Variants in NPAS3 observed in about 807,000 individuals in gnomAD.
NPAS3 encodes the protein neuronal PAS domain-containing protein 3.
NPAS3 carries 14 observed loss-of-function variants against 73.1 expected under a neutral mutation model. That is an observed-to-expected ratio of 0.19 (90% confidence interval 0.13 to 0.30). NPAS3 has a LOEUF of 0.30. NPAS3 is among the 10% of genes least tolerant of loss of function. The probability of loss-of-function intolerance (pLI) is 1.00; values close to 1 mark genes in which losing one functional copy is unlikely to be tolerated. For synonymous variants in NPAS3, 620 were observed against 541.5 expected (o/e 1.14, Z -2.01); for missense variants, 1,096 against 1,250.0 (o/e 0.88, Z 1.86).
chr14:33,281,675 C>T (rs998007863), intron 3 of NPAS3, among the ~76,000 whole-genome samples: 2 of 152,168 alleles, frequency 1.3e-5, no homozygotes, highest in African/African-American at 2.4e-5. Context: ...CAATTCTGTA[C>T]ATATCATTAA....
intron 4 of NPAS3, among the ~76,000 whole-genome samples, chr14:33,481,087 A>G (rs1163504629): frequency 6.6e-6 from 1 of 152,180 alleles, no homozygotes; most frequent in East Asian, 1.9e-4. Context: ...TCTAATAAGG[A>G]TAGATATAAT....
intron 1 of NPAS3, among the ~76,000 whole-genome samples, chr14:32,992,206 G>T (rs1409964803): frequency 2.0e-5 from 3 of 152,024 alleles, no homozygotes; most frequent in African/African-American, 7.2e-5. Flanking sequence ...GTAGGGAAGG[G>T]CACATCCCAC....
At chr14:33,768,763 A>G (rs2062546185) in intron 7 of NPAS3, among the ~76,000 whole-genome samples, 1 of 152,214 alleles carries the variant, frequency 6.6e-6, no homozygotes, top group African/African-American at 2.4e-5. Context: ...GTTTCCCAAT[A>G]CAATGTTATT....
chr14:32,992,774 C>A (rs557543423), intron 1 of NPAS3, among the ~76,000 whole-genome samples: 1 of 152,198 alleles, frequency 6.6e-6, no homozygotes, highest in Non-Finnish European at 1.5e-5. Context: ...TCAAAGATGA[C>A]TCCAAAGTTT....
rs5807738 is a variant in NPAS3 at position 33,670,615 on chromosome 14, A to ACC, written c.559-5590_559-5589dup. Among the ~76,000 whole-genome samples, 353 of 143,790 alleles carry ACC rather than the reference A, an allele frequency of 2.5e-3. 2 individuals are homozygous for ACC. The highest frequency in any genetic ancestry group is 0.02 in the East Asian group (98 of 4,876). The allele number at this position is 143,790 out of a possible 152,430, so 94.3% of individuals were successfully genotyped here. A position where few individuals can be genotyped will look rare whatever the true frequency, so the allele number is the denominator to read the frequency against. On this transcript the variant is annotated intron_variant, in intron 5 of 11. Coordinates refer to ENST00000356141, the Ensembl canonical transcript of NPAS3. ...ATTATCCTTCAATAATATAAATGTG[A>ACC]CCCCCCCTCAAAAAAAAAAAAAACT...
intron 6 of NPAS3, among the ~76,000 whole-genome samples, chr14:33,701,233 G>C (rs187923251): frequency 3.3e-5 from 5 of 152,212 alleles, no homozygotes; most frequent in Non-Finnish European, 7.3e-5. Flanking sequence ...AACCCTGTGA[G>C]GTTAGGACTG....
At chr14:33,118,386 T>G (rs1288195730) in intron 2 of NPAS3, among the ~76,000 whole-genome samples, 3 of 152,216 alleles carry the variant, frequency 2.0e-5, no homozygotes, top group African/African-American at 7.2e-5. Flanking sequence ...ATGTTTTATA[T>G]CCCTATTCTC....
chr14:33,439,941 C>A (rs981458239), intron 4 of NPAS3, among the ~76,000 whole-genome samples: 23 of 151,926 alleles, frequency 1.5e-4, no homozygotes, highest in African/African-American at 5.1e-4. Flanking sequence ...GGGTGAAACC[C>A]CGTCTCTACT....
chr14:33,555,869 T>C (rs976352888), intron 4 of NPAS3, among the ~76,000 whole-genome samples: 2 of 146,540 alleles, frequency 1.4e-5, no homozygotes, highest in African/African-American at 5.1e-5. Context: ...AAAAATATGG[T>C]AAATTAACCA....
chr14:33,559,972 T>C, intron 4 of NPAS3, 149 bp from the exon 5 acceptor site: 1 of 431,086 alleles, frequency 2.3e-6, no homozygotes. Context: ...ATTGTGCCAC[T>C]GCACTCTAGC....
At chr14:33,136,994 T>C (rs2043866035) in intron 2 of NPAS3, among the ~76,000 whole-genome samples, 1 of 152,198 alleles carries the variant, frequency 6.6e-6, no homozygotes, top group African/African-American at 2.4e-5. Context: ...TGAATGAATA[T>C]GCCAAAACTT....
At chr14:33,045,734 G>A (rs1406673922) in intron 1 of NPAS3, among the ~76,000 whole-genome samples, 4 of 152,132 alleles carry the variant, frequency 2.6e-5, no homozygotes, top group Admixed American at 1.3e-4. Context: ...AAATAGTATG[G>A]GGTAAAGGCT....
At chr14:33,779,556 G>A (rs1473376015) in intron 9 of NPAS3, among the ~76,000 whole-genome samples, 1 of 152,186 alleles carries the variant, frequency 6.6e-6, no homozygotes, top group Non-Finnish European at 1.5e-5. Context: ...TATGATGGTG[G>A]TCCCATGAGA....
chr14:33,581,569 A>G (rs1315950934), intron 5 of NPAS3, among the ~76,000 whole-genome samples: 1 of 152,062 alleles, frequency 6.6e-6, no homozygotes. Context: ...TTAAAATACT[A>G]TGGGCGTTTT....
intron 4 of NPAS3, among the ~76,000 whole-genome samples, chr14:33,499,190 C>G (rs2052391439): frequency 6.6e-6 from 1 of 151,684 alleles, no homozygotes; most frequent in Non-Finnish European, 1.5e-5. Context: ...TCGAAAAGAG[C>G]ACCATGTTCA....
chr14:33,304,125 A>G (rs2042664955), intron 3 of NPAS3, among the ~76,000 whole-genome samples: 2 of 152,104 alleles, frequency 1.3e-5, no homozygotes, highest in African/African-American at 2.4e-5. Context: ...GTTAATTCCA[A>G]TTTTTATTAA....
intron 2 of NPAS3, among the ~76,000 whole-genome samples, chr14:33,058,746 C>T (rs966845426): frequency 6.6e-6 from 1 of 152,158 alleles, no homozygotes; most frequent in Non-Finnish European, 1.5e-5. Context: ...CATATAACTG[C>T]ACATATGTGT....
chr14:33,394,247 T>G (rs2047128347), intron 4 of NPAS3, among the ~76,000 whole-genome samples: 1 of 152,158 alleles, frequency 6.6e-6, no homozygotes, highest in Non-Finnish European at 1.5e-5. Flanking sequence ...CATTGGAGGT[T>G]TGTAAATTCT....
In NPAS3 at chr14:33,364,788, C is replaced by G. The variant is rs562178258; in HGVS notation, c.386-2398C>G. ...AATAACCGCCCCACCCCCCACACCC[C>G]CACTGAAGACAACAGCGTCTATGCT... On this transcript the variant is annotated intron_variant, in intron 3 of 11. Coordinates refer to ENST00000356141, the Ensembl canonical transcript of NPAS3. 2.0e-5 allele frequency among the ~76,000 whole-genome samples: 3 copies of G among 152,092 alleles called. No individual in the cohort carries two copies. The East Asian group carries it at 5.8e-4, about 29-fold the overall frequency.
Sources: allele counts gnomAD v4.1 joint callset (sites outside exome capture counted in the v4.1 genomes callset), GRCh38; gene constraint gnomAD v4.1.1; transcripts MANE v1.5; gene names NCBI Gene and HGNC (gene_info 2026-07-23, HGNC 2026-07-21).